YEATS2: variants seen among roughly 807,000 people sequenced by gnomAD.
YEATS2 encodes the protein YEATS domain-containing protein 2.
In YEATS2, 77 loss-of-function variants were observed where a neutral mutation model predicts 163.2. The observed-to-expected ratio is 0.47, with a 90% confidence interval of 0.39 to 0.57. The LOEUF (loss-of-function observed/expected upper bound fraction) is 0.57. Ranked by LOEUF, YEATS2 falls within the 20% of genes least tolerant of loss-of-function variation. The pLI is 0.00. For missense variants in YEATS2, 1,549 were observed against 1,729.8 expected (o/e 0.90, Z 1.85); for synonymous variants, 631 against 645.1 (o/e 0.98, Z 0.33).
intron 23 of YEATS2, 71 bp downstream of exon 23, chr3:183,799,060 T>G: frequency 8.5e-7 from 1 of 1,170,410 alleles, no homozygotes; most frequent in East Asian, 2.3e-5. Flanking sequence ...CGTTCTCTCC[T>G]GATGTCCAGA....
At chr3:183,708,733 A>G (rs1207382724) in intron 1 of YEATS2, among the ~76,000 whole-genome samples, 1 of 152,014 alleles carries the variant, frequency 6.6e-6, no homozygotes, top group Non-Finnish European at 1.5e-5. Context: ...AGGTATGGGC[A>G]CACACCTGTA....
chr3:183,796,610 C>T (rs1016382623), intron 21 of YEATS2, among the ~76,000 whole-genome samples: 30 of 150,444 alleles, frequency 2.0e-4, no homozygotes, highest in African/African-American at 6.9e-4. Context: ...CATACATTGG[C>T]ACCAGATTAA....
At chr3:183,799,990 G>A (rs1301043330) in intron 23 of YEATS2, among the ~76,000 whole-genome samples, 9 of 151,750 alleles carry the variant, frequency 5.9e-5, no homozygotes, top group Non-Finnish European at 8.8e-5. Context: ...CCGCCACCAC[G>A]CCCGGCTAAT....
Position 183,810,644 on chromosome 3 carries a change from C to A in YEATS2, c.*61C>A. On this transcript the variant is annotated 3_prime_UTR_variant, in exon 31 of 31. Coordinates refer to ENST00000305135, the MANE Select transcript of YEATS2 (RefSeq NM_018023.5). Reference sequence around the variant, plus strand: ...GGCACAGCGAAGCTGTAACTGAGGACCCTGCTGCTCGGGAAGGAGGTGGTT... The same window carrying A: ...GGCACAGCGAAGCTGTAACTGAGGAACCTGCTGCTCGGGAAGGAGGTGGTT... The A allele has an allele frequency of 6.7e-7, 1 of 1,498,060 alleles. No individual in the cohort carries two copies. Among genetic ancestry groups the A allele is most frequent in the Non-Finnish European group, 9.2e-7 (1 of 1,082,474 alleles). 92.8% of individuals were successfully genotyped at this position (1,498,060 alleles called of 1,614,324 possible). A position where few individuals can be genotyped will look rare whatever the true frequency, so the allele number is the denominator to read the frequency against.
intron 1 of YEATS2, among the ~76,000 whole-genome samples, chr3:183,698,666 A>ATT (rs914552724): frequency 1.3e-5 from 2 of 151,570 alleles, no homozygotes; most frequent in African/African-American, 4.9e-5. Flanking sequence ...CTGACACATC[A>ATT]TTTTTTTTTA....
intron 2 of YEATS2, among the ~76,000 whole-genome samples, chr3:183,716,838 C>G (rs867815395): frequency 1.3e-5 from 2 of 151,914 alleles, no homozygotes; most frequent in Admixed American, 6.6e-5. Context: ...TTTCTCCCCC[C>G]ACCAGAATTT....
intron 15 of YEATS2, among the ~76,000 whole-genome samples, chr3:183,771,745 T>TTA (rs1722500962): frequency 8.1e-6 from 1 of 123,866 alleles, no homozygotes; most frequent in African/African-American, 2.9e-5. Flanking sequence ...TTTTTTTTTT[T>TTA]AGACAGAGTC....
In YEATS2 at chr3:183,715,137, T is replaced by C. The variant is rs1473319820; in HGVS notation, c.-19-7T>C. 4 of 1,540,512 alleles carry C rather than the reference T, an allele frequency of 2.6e-6. No individual in the cohort carries two copies. The highest frequency in any genetic ancestry group is 3.6e-6 in the Non-Finnish European group (4 of 1,119,684). Reference sequence around the variant, plus strand: ...TTAAAAATTATTAATTTATCATTGCTTCACAGTGAAGAACTGAATGTCATC... The same window carrying C: ...TTAAAAATTATTAATTTATCATTGCCTCACAGTGAAGAACTGAATGTCATC... On this transcript the variant is annotated splice_polypyrimidine_tract_variant and splice_region_variant and intron_variant, in intron 1 of 30. Coordinates refer to ENST00000305135, the MANE Select transcript of YEATS2 (RefSeq NM_018023.5).
At chr3:183,727,962 T>TC (rs397969181) in intron 6 of YEATS2, among the ~76,000 whole-genome samples, 3 of 151,966 alleles carry the variant, frequency 2.0e-5, no homozygotes, top group Admixed American at 6.6e-5. Context: ...TTTTTTTTTT[T>TC]AAATAGCACA....
At chr3:183,739,071 C>T (rs372574488) in intron 8 of YEATS2, among the ~76,000 whole-genome samples, 8 of 149,818 alleles carry the variant, frequency 5.3e-5, no homozygotes, top group Admixed American at 2.0e-4. Flanking sequence ...CCTGTTGTTT[C>T]CTGACTTTTT....
intron 17 of YEATS2, among the ~76,000 whole-genome samples, chr3:183,774,350 C>T (rs1722761899): frequency 6.6e-6 from 1 of 152,122 alleles, no homozygotes; most frequent in African/African-American, 2.4e-5. Flanking sequence ...TGCGAGGGAT[C>T]TAGGTTGTGT....
At chr3:183,707,706 C>T (rs574890184) in intron 1 of YEATS2, among the ~76,000 whole-genome samples, 27 of 116,836 alleles carry the variant, frequency 2.3e-4, no homozygotes, top group Admixed American at 5.9e-4. Context: ...TTTTTTGAGA[C>T]GAAGTCTCAC....
chr3:183,724,359 T>C, intron 5 of YEATS2, 60 bp from the exon 6 acceptor site: 1 of 1,288,818 alleles, frequency 7.8e-7, no homozygotes, highest in Non-Finnish European at 1.1e-6. Context: ...AATTTTGTGG[T>C]TTCTGTCCTA....
intron 11 of YEATS2, 54 bp from the exon 12 acceptor site, chr3:183,756,474 T>TA (rs1162857548): frequency 6.9e-7 from 1 of 1,459,210 alleles, no homozygotes; most frequent in East Asian, 2.5e-5. Flanking sequence ...GACATCTTCT[T>TA]ACGTGAGTTG....
intron 9 of YEATS2, among the ~76,000 whole-genome samples, chr3:183,751,094 G>A (rs753169461): frequency 8.6e-5 from 13 of 151,938 alleles, no homozygotes; most frequent in Non-Finnish European, 1.3e-4. Context: ...TTTATGTTTC[G>A]TTCTTTGATC....
At position 183,732,494 on chromosome 3, in the gene YEATS2, G is replaced by T. The variant is rs974649372; in HGVS notation, c.812+3643G>T. Among the ~76,000 whole-genome samples the T allele has an allele frequency of 2.6e-5, 4 of 151,864 alleles. No individual in the cohort carries two copies. The East Asian group carries it at 7.8e-4, about 29-fold the overall frequency. On this transcript the variant is annotated intron_variant, in intron 7 of 30. Coordinates refer to ENST00000305135, the MANE Select transcript of YEATS2 (RefSeq NM_018023.5). ...AAATAAATAAATAAATATCCCCAGG[G>T]TCTATCATAGTTCCTAGCATGTAGT...
At chr3:183,786,034 G>C in intron 19 of YEATS2, 91 bp from the exon 20 acceptor site, 4 of 1,432,456 alleles carry the variant, frequency 2.8e-6, no homozygotes, top group Non-Finnish European at 3.8e-6. Context: ...TATTCTCCAA[G>C]TCATGGGGCG....
At chr3:183,748,089 TA>T (rs922467656) in intron 9 of YEATS2, among the ~76,000 whole-genome samples, 21 of 152,016 alleles carry the variant, frequency 1.4e-4, no homozygotes, top group Admixed American at 6.6e-5. Flanking sequence ...CTCACACTAT[TA>T]TAAATAACTA....
Position 183,707,678 on chromosome 3 carries a change from A to ATTTTTTTTTTTTTT in YEATS2, c.-19-7456_-19-7443dup, listed in dbSNP as rs1176429941. 2.6e-4 allele frequency among the ~76,000 whole-genome samples: 28 copies of ATTTTTTTTTTTTTT among 106,120 alleles called. 1 individual carries two copies. The highest frequency in any genetic ancestry group is 6.2e-4 in the South Asian group (2 of 3,246). 69.6% of individuals were successfully genotyped at this position (106,120 alleles called of 152,430 possible). A position where few individuals can be genotyped will look rare whatever the true frequency, so the allele number is the denominator to read the frequency against. On this transcript the variant is annotated intron_variant, in intron 1 of 30. Transcript: ENST00000305135. ...ATTGTACTACTCCCCTTCCCCACCT[A>ATTTTTTTTTTTTTT]TTTTTTTTTTTTTTTTTTTTTTTGA... is the stretch of plus-strand genomic sequence containing the variant.
Sources: allele counts gnomAD v4.1 joint callset (sites outside exome capture counted in the v4.1 genomes callset), GRCh38; gene constraint gnomAD v4.1.1; transcripts MANE v1.5; gene names NCBI Gene and HGNC (gene_info 2026-07-23, HGNC 2026-07-21).